Variants in NAV2 observed in about 807,000 individuals in gnomAD.
NAV2 encodes helicase, APC down-regulated 1.
A neutral mutation model predicts 223.2 loss-of-function variants in NAV2; 54 were observed. The observed-to-expected ratio is 0.24, with a 90% CI of 0.19 to 0.30. NAV2 has a LOEUF of 0.30. Among genes scored for constraint, NAV2 ranks in the 10% least tolerant of loss-of-function variants. NAV2 has a pLI of 1.00. For synonymous variants in NAV2, 1,279 were observed against 1,239.3 expected, an observed-to-expected ratio of 1.03 and a Z score of -0.67; for missense variants, 2,806 against 3,147.5, an observed-to-expected ratio of 0.89 and a Z score of 2.60.
chr11:19,527,161 T>C (rs2043866130), intron 1 of NAV2, among the ~76,000 whole-genome samples: 1 of 152,064 alleles, frequency 6.6e-6, no homozygotes, highest in South Asian at 2.1e-4. Context: ...TTGTGGGAGA[T>C]AACTGAATCA....
intron 1 of NAV2, chr11:19,401,809 G>A (rs1247710192): frequency 6.6e-6 from 1 of 152,172 alleles, no homozygotes; most frequent in Non-Finnish European, 1.5e-5. Context: ...GCACTCCTTT[G>A]GGGCCACAGA....
chr11:19,903,208 G>T (rs2042592235), intron 6 of NAV2, among the ~76,000 whole-genome samples: 1 of 152,218 alleles, frequency 6.6e-6, no homozygotes, highest in Admixed American at 6.5e-5. Flanking sequence ...TGTCGGGGTT[G>T]CAATGAGAAT....
chr11:19,586,839 G>T (rs1171590955), intron 1 of NAV2, among the ~76,000 whole-genome samples: 1 of 152,352 alleles, frequency 6.6e-6, no homozygotes, highest in East Asian at 1.9e-4. Flanking sequence ...ACCCACTTGA[G>T]GAGGCAGTCT....
chr11:19,712,003 C>T (rs2049903675), upstream of NAV2: 1 of 152,274 alleles, frequency 6.6e-6, no homozygotes, highest in Admixed American at 6.5e-5. Flanking sequence ...CTGATCATCT[C>T]TCAGTTTCCT....
At chr11:19,798,648 G>A (rs1490044553) in intron 1 of NAV2, among the ~76,000 whole-genome samples, 1 of 152,158 alleles carries the variant, frequency 6.6e-6, no homozygotes, top group Non-Finnish European at 1.5e-5. Flanking sequence ...TTGGGGATCT[G>A]CAACTGATAC....
At chr11:19,632,257 G>A (rs1031326076) in intron 1 of NAV2, among the ~76,000 whole-genome samples, 7 of 152,150 alleles carry the variant, frequency 4.6e-5, no homozygotes, top group Admixed American at 6.5e-5. Flanking sequence ...AAACAGGATT[G>A]GTCTTTTTTC....
intron 19 of NAV2, among the ~76,000 whole-genome samples, chr11:20,057,381 A>C (rs888802552): frequency 9.2e-5 from 14 of 152,284 alleles, no homozygotes; most frequent in African/African-American, 3.1e-4. Context: ...TTTGCATACC[A>C]TGACATTCAG....
intron 6 of NAV2, among the ~76,000 whole-genome samples, chr11:19,899,172 T>C (rs1182571531): frequency 6.6e-6 from 1 of 152,210 alleles, no homozygotes; most frequent in African/African-American, 2.4e-5. Flanking sequence ...GTTTTTGTTC[T>C]GTGTCATTCC....
intron 1 of NAV2, among the ~76,000 whole-genome samples, chr11:19,424,805 C>A (rs1020002690): frequency 1.3e-5 from 2 of 152,148 alleles, no homozygotes; most frequent in African/African-American, 4.8e-5. Flanking sequence ...CCCACCTCAG[C>A]CTCCCAAAGC....
At chr11:19,616,798 C>T (rs1441722236) in intron 1 of NAV2, among the ~76,000 whole-genome samples, 1 of 152,054 alleles carries the variant, frequency 6.6e-6, no homozygotes, top group African/African-American at 2.4e-5. Flanking sequence ...TGGTTCTTTT[C>T]AGTCCTCAGA....
Position 19,706,840 on chromosome 11 carries a change from A to G in NAV2, c.76-125644A>G, listed in dbSNP as rs575470537. On this transcript the variant is annotated intron_variant, in intron 1 of 37. Transcript: ENST00000360655. Reference sequence around the variant, plus strand: ...TCTTTAGTCTTTTTTGTTGTTGTACAGACATCATAGAGTACATTTTCACAA... The same window carrying G: ...TCTTTAGTCTTTTTTGTTGTTGTACGGACATCATAGAGTACATTTTCACAA... Among the ~76,000 whole-genome samples the G allele has an allele frequency of 8.5e-5, 13 of 152,338 alleles. 1 individual carries two copies. Among genetic ancestry groups the G allele is most frequent in the African/African-American group, 3.1e-4 (13 of 41,570 alleles).
At chr11:19,498,726 A>G (rs763625992) in intron 1 of NAV2, among the ~76,000 whole-genome samples, 1 of 152,160 alleles carries the variant, frequency 6.6e-6, no homozygotes, top group African/African-American at 2.4e-5. Context: ...TTACTCAAAT[A>G]TTTATTGAGC....
intron 8 of NAV2, among the ~76,000 whole-genome samples, chr11:19,940,794 G>A (rs1362782502): frequency 6.6e-6 from 1 of 152,230 alleles, no homozygotes; most frequent in Non-Finnish European, 1.5e-5. Flanking sequence ...ATGGTGCAGA[G>A]ATTCTTCAAG....
intron 1 of NAV2, among the ~76,000 whole-genome samples, chr11:19,526,827 G>A (rs573384552): frequency 6.6e-6 from 1 of 152,214 alleles, no homozygotes; most frequent in East Asian, 1.9e-4. Flanking sequence ...CCAACTTTCT[G>A]TTACACAAAG....
chr11:19,981,259 C>T (rs1332652506), intron 10 of NAV2: 1 of 152,240 alleles, frequency 6.6e-6, no homozygotes, highest in Non-Finnish European at 1.5e-5. Context: ...ATTTCAGTCC[C>T]ATTTCTCAGA....
intron 1 of NAV2, among the ~76,000 whole-genome samples, chr11:19,641,266 T>C (rs2047655721): frequency 6.6e-6 from 1 of 152,144 alleles, no homozygotes; most frequent in Non-Finnish European, 1.5e-5. Flanking sequence ...AATGACAGCA[T>C]TTTCTAATTC....
intron 1 of NAV2, among the ~76,000 whole-genome samples, chr11:19,559,696 A>C (rs1483549618): frequency 1.3e-5 from 2 of 152,194 alleles, no homozygotes; most frequent in East Asian, 3.8e-4. Context: ...ATTGATGTGA[A>C]TGTTAATGAC....
upstream of NAV2, chr11:19,712,146 G>A (rs1056202049): frequency 1.3e-5 from 2 of 152,218 alleles, no homozygotes; most frequent in Admixed American, 6.5e-5. Context: ...ACGCAGCAAG[G>A]TTTGGCCAGA....
In NAV2 at chr11:19,929,008, A is replaced by T. The variant is rs141038567; in HGVS notation, c.932-4168A>T. On this transcript the variant is annotated intron_variant, in intron 6 of 37. Coordinates refer to ENST00000349880, the MANE Select transcript of NAV2 (RefSeq NM_145117.5). Reference sequence around the variant, plus strand: ...GGTGGCTCACACCTGTAATCCCAGCACTTTGGGAGGCTGAAGTGGCTGGAT... The same window carrying T: ...GGTGGCTCACACCTGTAATCCCAGCTCTTTGGGAGGCTGAAGTGGCTGGAT... Among the ~76,000 whole-genome samples, 502 of 152,270 alleles carry T rather than the reference A, an allele frequency of 3.3e-3. 18 individuals carry two copies. In the South Asian group the frequency reaches 0.067, roughly 20 times the overall value.
Sources: gnomAD v4.1 joint callset for allele counts (sites outside exome capture counted in the v4.1 genomes callset) on GRCh38, gnomAD v4.1.1 for gene constraint, MANE v1.5 for transcripts, NCBI Gene and HGNC (gene_info 2026-07-23, HGNC 2026-07-21) for gene names.